Variants in TMEM131 observed in about 807,000 individuals in gnomAD.
TMEM131 encodes 2610524E03Rik.
In TMEM131, 66 loss-of-function variants were observed where a neutral mutation model predicts 211.6. The ratio of observed to expected loss-of-function variants is 0.31; its 90% CI spans 0.26 to 0.38. The LOEUF (loss-of-function observed/expected upper bound fraction) is 0.38, where lower values mean the gene tolerates loss of function less well. Ranked by LOEUF, TMEM131 falls within the 10% of genes least tolerant of loss-of-function variation. The probability of loss-of-function intolerance (pLI) is 1.00; values close to 1 mark genes in which losing one functional copy is unlikely to be tolerated. For synonymous variants in TMEM131, 844 were observed against 841.3 expected, an observed-to-expected ratio of 1.00 and a Z score of -0.06; for missense variants, 2,036 against 2,299.3, an observed-to-expected ratio of 0.89 and a Z score of 2.34.
At chr2:97,970,747 G>A (rs1679261000) in intron 1 of TMEM131, among the ~76,000 whole-genome samples, 1 of 152,116 alleles carries the variant, frequency 6.6e-6, no homozygotes. Context: ...AGTGCTGAGT[G>A]CTATGGCCAA....
intron 3 of TMEM131, among the ~76,000 whole-genome samples, chr2:97,897,770 A>T (rs1270370286): frequency 1.3e-5 from 2 of 152,102 alleles, no homozygotes; most frequent in Non-Finnish European, 2.9e-5. Context: ...CTCTTTTCTA[A>T]AAGCGTTTAT....
At chr2:97,957,296 A>G (rs1678615921) in intron 1 of TMEM131, among the ~76,000 whole-genome samples, 1 of 152,190 alleles carries the variant, frequency 6.6e-6, no homozygotes, top group African/African-American at 2.4e-5. Context: ...CTGGTACTTA[A>G]TGATTTACAT....
intron 33 of TMEM131, among the ~76,000 whole-genome samples, chr2:97,770,473 C>A (rs4850991): frequency 2.0e-5 from 3 of 152,196 alleles, no homozygotes; most frequent in Admixed American, 6.5e-5. Flanking sequence ...GAGAGAGCAC[C>A]GGTTATTGCT....
intron 1 of TMEM131, among the ~76,000 whole-genome samples, chr2:97,939,567 C>T (rs899856134): frequency 1.3e-5 from 2 of 152,146 alleles, no homozygotes; most frequent in African/African-American, 2.4e-5. Context: ...CAGGACCAGA[C>T]AGATTCACAG....
intron 27 of TMEM131, 74 bp downstream of exon 27, chr2:97,796,770 G>T: frequency 6.9e-7 from 1 of 1,453,926 alleles, no homozygotes; most frequent in Non-Finnish European, 9.5e-7. Flanking sequence ...CAGAAATAAT[G>T]TTGTTTTTGA....
chr2:97,818,253 T>A (rs915316504), intron 12 of TMEM131, among the ~76,000 whole-genome samples: 3 of 152,150 alleles, frequency 2.0e-5, no homozygotes, highest in African/African-American at 7.2e-5. Flanking sequence ...AATTCAAACA[T>A]GTTTCAGAAC....
chr2:97,799,386 T>C (rs577247031), intron 25 of TMEM131, among the ~76,000 whole-genome samples: 2 of 152,354 alleles, frequency 1.3e-5, no homozygotes, highest in South Asian at 4.1e-4. Context: ...AGCTACCATG[T>C]TGTTTTGAAA....
At position 97,787,616 on chromosome 2, in the gene TMEM131, G is replaced by A. The variant is rs78226632; in HGVS notation, c.4144+4770C>T. On this transcript the variant is annotated intron_variant, in intron 31 of 40. Coordinates refer to ENST00000186436, the MANE Select transcript of TMEM131 (RefSeq NM_015348.2). Reference sequence around the variant, plus strand: ...ATCTGAAATCCAAAAAACTCTCAAAGGTTTTTTTCCCCAAACTCATTTAGA... The same window carrying A: ...ATCTGAAATCCAAAAAACTCTCAAAAGTTTTTTTCCCCAAACTCATTTAGA... Among the ~76,000 whole-genome samples, 15 of 152,230 alleles carry A rather than the reference G, an allele frequency of 9.9e-5. No homozygotes were observed. In the East Asian group the frequency reaches 1.7e-3, roughly 18 times the overall value.
At chr2:97,970,328 A>G (rs752622425) in intron 1 of TMEM131, among the ~76,000 whole-genome samples, 3 of 152,150 alleles carry the variant, frequency 2.0e-5, no homozygotes, top group Non-Finnish European at 2.9e-5. Flanking sequence ...GGTTTCTTTC[A>G]CTGGAGGCAA....
At chr2:97,970,860 C>A (rs1430781008) in intron 1 of TMEM131, among the ~76,000 whole-genome samples, 1 of 152,110 alleles carries the variant, frequency 6.6e-6, no homozygotes, top group Non-Finnish European at 1.5e-5. Flanking sequence ...ATTACAAATA[C>A]CTGCTGGCTT....
intron 27 of TMEM131, 117 bp downstream of exon 27, chr2:97,796,727 A>C: frequency 9.7e-7 from 1 of 1,032,884 alleles, no homozygotes; most frequent in East Asian, 2.4e-5. Flanking sequence ...TAAGCTCTTA[A>C]GCATTCATAA....
At chr2:97,777,590 T>A (rs1331420380) in intron 31 of TMEM131, among the ~76,000 whole-genome samples, 1 of 152,258 alleles carries the variant, frequency 6.6e-6, no homozygotes, top group Non-Finnish European at 1.5e-5. Flanking sequence ...CTGCTGAGCC[T>A]GAGCTAGAAA....
At chr2:97,905,322 C>G (rs181821283) in intron 3 of TMEM131, among the ~76,000 whole-genome samples, 105 of 152,282 alleles carry the variant, frequency 6.9e-4, no homozygotes, top group African/African-American at 2.4e-3. Flanking sequence ...GCAGTCATTC[C>G]TATCTTTTGA....
At chr2:97,844,513 C>G (rs1410506833) in intron 5 of TMEM131, among the ~76,000 whole-genome samples, 1 of 152,198 alleles carries the variant, frequency 6.6e-6, no homozygotes, top group Non-Finnish European at 1.5e-5. Flanking sequence ...TTAACAATCA[C>G]TAGGCTGGCA....
At chr2:97,902,305 C>CT (rs1309433156) in intron 3 of TMEM131, among the ~76,000 whole-genome samples, 9 of 152,216 alleles carry the variant, frequency 5.9e-5, no homozygotes, top group South Asian at 2.1e-4. Context: ...ACACCGTACT[C>CT]TTTTTTTATG....
chr2:97,979,670 A>T lies in TMEM131; in HGVS notation c.187+15806T>A, dbSNP rs562384636. ...AGAGAGGGGCCTTGCTCTGGATTAA[A>T]CTCTGACCTAATAGAATGCTTGTGG... On this transcript the variant is annotated intron_variant, in intron 1 of 40. Transcript: ENST00000186436. 2.6e-5 allele frequency among the ~76,000 whole-genome samples: 4 copies of T among 152,304 alleles called. No homozygotes were observed. In the South Asian group the frequency reaches 6.2e-4, roughly 24 times the overall value.
chr2:97,989,084 A>T (rs1394340032), intron 1 of TMEM131, among the ~76,000 whole-genome samples: 1 of 152,228 alleles, frequency 6.6e-6, no homozygotes, highest in Non-Finnish European at 1.5e-5. Flanking sequence ...TTAAAAAGGA[A>T]GGAACTATAA....
rs754072704 is a variant in TMEM131 at position 97,811,249 on chromosome 2, T to C, written c.1864-17A>G. ...TAATGTTACCTGTAGATAGTAGAAA[T>C]GGTATCATTCATTAGCCTTGTTAGT... On this transcript the variant is annotated splice_polypyrimidine_tract_variant and intron_variant, in intron 17 of 40. Coordinates refer to ENST00000186436, the MANE Select transcript of TMEM131 (RefSeq NM_015348.2). 37 of 1,587,834 alleles carry C rather than the reference T, an allele frequency of 2.3e-5. No individual in the cohort carries two copies. The highest frequency in any genetic ancestry group is 1.9e-4 in the African/African-American group (14 of 74,392).
intron 4 of TMEM131, among the ~76,000 whole-genome samples, chr2:97,868,274 T>A (rs1475279652): frequency 1.3e-5 from 2 of 152,166 alleles, no homozygotes; most frequent in African/African-American, 4.8e-5. Flanking sequence ...ATCTTTTCCA[T>A]CCTTTTATTT....
Sources: allele counts gnomAD v4.1 joint callset (sites outside exome capture counted in the v4.1 genomes callset), GRCh38; gene constraint gnomAD v4.1.1; transcripts MANE v1.5; gene names NCBI Gene and HGNC (gene_info 2026-07-23, HGNC 2026-07-21).